The following CYP11A1 variants were observed in gnomAD, a reference collection of about 807,000 sequenced individuals.
CYP11A1 encodes cytochrome P450 family 11 subfamily A member 1.
In CYP11A1, 25 loss-of-function variants were observed where a neutral mutation model predicts 51.9. The observed-to-expected ratio is 0.48, with a 90% CI of 0.35 to 0.67. The LOEUF (loss-of-function observed/expected upper bound fraction) is 0.67, where lower values mean the gene tolerates loss of function less well. CYP11A1 is among the 30% of genes least tolerant of loss of function. The pLI, the probability that CYP11A1 is intolerant of heterozygous loss-of-function variation, is 0.00. For synonymous variants in CYP11A1, 245 were observed against 262.1 expected (o/e 0.93, Z 0.63); for missense variants, 578 against 680.9 (o/e 0.85, Z 1.68).
intron 2 of CYP11A1, among the ~76,000 whole-genome samples, chr15:74,346,222 G>A (rs1047034261): frequency 6.6e-6 from 1 of 151,820 alleles, no homozygotes; most frequent in East Asian, 1.9e-4. Flanking sequence ...GCATGGTGGC[G>A]GGCATCTATA....
intron 6 of CYP11A1, 59 bp from the exon 7 acceptor site, chr15:74,339,374 G>T: frequency 6.4e-7 from 1 of 1,553,110 alleles, no homozygotes; most frequent in Non-Finnish European, 8.9e-7. Context: ...AGCCGCCGGA[G>T]CCCCACACCC....
chr15:74,339,853 C>G (rs2060598497), intron 5 of CYP11A1, 100 bp from the exon 6 acceptor site: 1 of 1,174,416 alleles, frequency 8.5e-7, no homozygotes, highest in African/African-American at 1.5e-5. Context: ...CCAAGAACCT[C>G]TTTCTCCCCG....
chr15:74,353,294 A>G (rs1193574544), intron 1 of CYP11A1, among the ~76,000 whole-genome samples: 1 of 152,220 alleles, frequency 6.6e-6, no homozygotes, highest in Non-Finnish European at 1.5e-5. Context: ...ATTCTTTAAA[A>G]CCTGATAAAG....
chr15:74,362,709 A>G (rs1038789165), intron 1 of CYP11A1: 2 of 152,236 alleles, frequency 1.3e-5, no homozygotes, highest in African/African-American at 4.8e-5. Flanking sequence ...ACAGATTAAG[A>G]CTTCTACTAT....
intron 2 of CYP11A1, among the ~76,000 whole-genome samples, chr15:74,346,028 T>TA (rs1473387283): frequency 6.6e-6 from 1 of 152,162 alleles, no homozygotes; most frequent in Non-Finnish European, 1.5e-5. Flanking sequence ...AAGGTACTAT[T>TA]ACAAAATATA....
chr15:74,356,933 T>C (rs1029345254), intron 1 of CYP11A1, among the ~76,000 whole-genome samples: 14 of 152,160 alleles, frequency 9.2e-5, no homozygotes, highest in Admixed American at 1.3e-4. Context: ...TCCCACAGCA[T>C]GCTTTAAAAA....
At chr15:74,350,587 A>G (rs886956141) in intron 1 of CYP11A1, among the ~76,000 whole-genome samples, 1 of 152,254 alleles carries the variant, frequency 6.6e-6, no homozygotes, top group Non-Finnish European at 1.5e-5. Context: ...GGCAGGGAAC[A>G]TAAGGCCAAT....
At chr15:74,339,509 G>T in intron 6 of CYP11A1, 78 bp downstream of exon 6, 1 of 1,573,730 alleles carries the variant, frequency 6.4e-7, no homozygotes, top group African/African-American at 1.3e-5. Flanking sequence ...GCCCATCCTC[G>T]TAACCCTTTC....
At chr15:74,364,752 G>C (rs7163952) in intron 1 of CYP11A1, 3,607 of 152,508 alleles carry the variant, frequency 0.024, 101 homozygotes, top group African/African-American at 0.072. Context: ...AAAGGGAAGA[G>C]AGGAGGAAGC....
intron 1 of CYP11A1, chr15:74,350,215 C>T: frequency 3.3e-6 from 1 of 299,304 alleles, no homozygotes; most frequent in Non-Finnish European, 7.0e-6. Context: ...TATCTGACTT[C>T]AATTTTTCAT....
intron 1 of CYP11A1, among the ~76,000 whole-genome samples, chr15:74,348,589 G>C (rs1355954529): frequency 6.6e-6 from 1 of 152,164 alleles, no homozygotes; most frequent in Non-Finnish European, 1.5e-5. Flanking sequence ...TGGCCACCCT[G>C]ACCCTAAGAG....
chr15:74,342,910 G>C, intron 5 of CYP11A1, 67 bp downstream of exon 5: 1 of 1,533,872 alleles, frequency 6.5e-7, no homozygotes, highest in Non-Finnish European at 9.0e-7. Flanking sequence ...AGACAACGAG[G>C]GGCCTGGTGG....
At chr15:74,348,093 G>A (rs760243643) in intron 1 of CYP11A1, 38 bp from the exon 2 acceptor site, 25 of 1,609,062 alleles carry the variant, frequency 1.6e-5, no homozygotes, top group South Asian at 3.3e-5. Flanking sequence ...GGAAGGATCC[G>A]AGGAGAGCTA....
chr15:74,348,338 A>G, intron 1 of CYP11A1: 2 of 436,220 alleles, frequency 4.6e-6, no homozygotes, highest in South Asian at 4.7e-5. Context: ...GCTGTCCCAC[A>G]GCACATCCCC....
chr15:74,353,116 G>C (rs906549934), intron 1 of CYP11A1, among the ~76,000 whole-genome samples: 3 of 152,126 alleles, frequency 2.0e-5, no homozygotes, highest in Admixed American at 2.0e-4. Flanking sequence ...TATACAAAAA[G>C]TGCCTGAAAG....
At chr15:74,357,675 G>C (rs886895069) in intron 1 of CYP11A1, among the ~76,000 whole-genome samples, 2 of 152,178 alleles carry the variant, frequency 1.3e-5, no homozygotes, top group Non-Finnish European at 2.9e-5. Flanking sequence ...CAGCTGAAGT[G>C]CAGGGCTGTG....
intron 1 of CYP11A1, 72 bp from the exon 2 acceptor site, chr15:74,348,127 C>A: frequency 6.5e-7 from 1 of 1,548,268 alleles, no homozygotes; most frequent in East Asian, 2.3e-5. Context: ...AGCACAGCTG[C>A]CTCACAGTTC....
intron 6 of CYP11A1, 133 bp from the exon 7 acceptor site, chr15:74,339,448 ATTTC>A (rs1339511845): frequency 7.1e-7 from 1 of 1,416,086 alleles, no homozygotes; most frequent in Non-Finnish European, 9.9e-7. Context: ...CCCTGGCTCT[ATTTC>A]TTTCTCCTCC....
rs1430817540 is a variant in CYP11A1, at chr15:74,362,179, G to T, written c.269+5138C>A. 1.0e-5 allele frequency: 6 copies of T among 602,606 alleles called. No individual in the cohort carries two copies. The East Asian group carries it at 1.6e-4, about 16-fold the overall frequency. 37.3% of individuals were successfully genotyped at this position (602,606 alleles called of 1,614,324 possible). A position where few individuals can be genotyped will look rare whatever the true frequency, so the allele number is the denominator to read the frequency against. On this transcript the variant is annotated intron_variant, in intron 1 of 8. Coordinates refer to ENST00000268053, the MANE Select transcript of CYP11A1 (RefSeq NM_000781.3). Reference sequence around the variant, plus strand: ...TGCAGTTCCCTTCCATGCCTAGCTGGACTGCAGAGTTGAGTTAAAGTTTAT... The same window carrying T: ...TGCAGTTCCCTTCCATGCCTAGCTGTACTGCAGAGTTGAGTTAAAGTTTAT...
Sources: gnomAD v4.1 joint callset for allele counts (sites outside exome capture counted in the v4.1 genomes callset) on GRCh38, gnomAD v4.1.1 for gene constraint, MANE v1.5 for transcripts, NCBI Gene and HGNC (gene_info 2026-07-23, HGNC 2026-07-21) for gene names.